Variants in SIGLECL1 observed in about 807,000 individuals in gnomAD.
SIGLECL1 encodes SIGLEC family like 1.
Under a neutral mutation model 19.1 loss-of-function variants are expected in SIGLECL1, and 16 were observed. The observed-to-expected ratio is 0.84, with a 90% CI of 0.57 to 1.27. SIGLECL1 has a LOEUF of 1.27. Among genes scored for constraint, SIGLECL1 ranks in the 50% most tolerant of loss-of-function variants. The probability of loss-of-function intolerance (pLI) is 0.00; values close to 1 mark genes in which losing one functional copy is unlikely to be tolerated. For missense variants in SIGLECL1, 210 were observed against 239.4 expected (o/e 0.88, Z 0.81); for synonymous variants, 89 against 90.4 (o/e 0.98, Z 0.09).
At chr19:51,267,072 AC>A (rs1983735678) in intron 4 of SIGLECL1, among the ~76,000 whole-genome samples, 2 of 152,164 alleles carry the variant, frequency 1.3e-5, no homozygotes, top group Admixed American at 1.3e-4. Flanking sequence ...GTCAGGGCAA[AC>A]TGAGGAGCTA....
upstream of SIGLECL1, among the ~76,000 whole-genome samples, chr19:51,249,546 A>G (rs1210881195): frequency 2.0e-5 from 3 of 152,182 alleles, no homozygotes; most frequent in Admixed American, 2.0e-4. Flanking sequence ...TCTTTGCAGC[A>G]GTGGAAGGGG....
At position 51,269,187 on chromosome 19, in the gene SIGLECL1, A is replaced by C. The variant is rs373790590; in HGVS notation, c.*590A>C. The stretch of plus-strand genomic sequence containing the variant: ...GGCCCTGAATGCCAAGATTCATTGG[A>C]GCTTTGGAGCTTTATCTTGTAGGAC... On this transcript the variant is annotated 3_prime_UTR_variant, in exon 6 of 6. Coordinates refer to ENST00000601727, the MANE Select transcript of SIGLECL1 (RefSeq NM_001385465.1). 6.5e-6 allele frequency: 1 copy of C among 153,030 alleles called. No individual in the cohort carries two copies. Among genetic ancestry groups the C allele is most frequent in the African/African-American group, 2.4e-5 (1 of 41,586 alleles). 9.5% of individuals were successfully genotyped at this position (153,030 alleles called of 1,614,324 possible).
At chr19:51,259,694 A>G (rs1329513387) in intron 1 of SIGLECL1, among the ~76,000 whole-genome samples, 2 of 152,188 alleles carry the variant, frequency 1.3e-5, no homozygotes, top group African/African-American at 2.4e-5. Flanking sequence ...TGTTGGAAAA[A>G]CACTGTAGTA....
At chr19:51,247,538 C>T (rs998696630), upstream of SIGLECL1, among the ~76,000 whole-genome samples, 3 of 152,030 alleles carry the variant, frequency 2.0e-5, no homozygotes, top group Non-Finnish European at 4.4e-5. Context: ...CCTGTCTCAG[C>T]CTCCCAAGTA....
In SIGLECL1 at chr19:51,265,634, A is replaced by C; in HGVS notation, c.289A>C (p.Ile97Leu). ...CCAAAACGGAACCCATGCTTTGAGC[A>C]TCCTACTGATGTCAAGTGAGGGTGG... Reference protein sequence around the residue: ...KNQNGTHALSILLMSRKSSLA... With the variant: ...KNQNGTHALSLLLMSRKSSLA... Residue 97 changes from isoleucine (I) to leucine (L), a missense_variant, in exon 3 of 6, where the codon ATC (isoleucine) becomes CTC (leucine). Physicochemically the swap from Ile to Leu is conservative, Grantham distance 5. Coordinates refer to ENST00000601727, the MANE Select transcript of SIGLECL1 (RefSeq NM_001385465.1). The C allele has an allele frequency of 6.2e-7, 1 of 1,613,798 alleles. No individual in the cohort carries two copies. The highest frequency in any genetic ancestry group is 8.5e-7 in the Non-Finnish European group (1 of 1,179,750).
chr19:51,251,985 A>G (rs920711760), intron 1 of SIGLECL1, among the ~76,000 whole-genome samples: 8 of 152,162 alleles, frequency 5.3e-5, no homozygotes, highest in African/African-American at 1.9e-4. Flanking sequence ...TGGTGAAGGA[A>G]AATTGAGAGA....
intron 2 of SIGLECL1, 196 bp downstream of exon 2, chr19:51,264,290 A>T (rs930777696): frequency 1.7e-6 from 1 of 572,660 alleles, no homozygotes; most frequent in Non-Finnish European, 3.0e-6. Context: ...TGAAGCAAAT[A>T]GCAAATTGGG....
chr19:51,260,503 C>T (rs1291509895), intron 1 of SIGLECL1, among the ~76,000 whole-genome samples: 1 of 151,964 alleles, frequency 6.6e-6, no homozygotes, highest in Non-Finnish European at 1.5e-5. Flanking sequence ...GGATTGTTTA[C>T]CTTTTTAGCT....
chr19:51,258,151 A>G lies in SIGLECL1; in HGVS notation c.-190-5732A>G, dbSNP rs559902785. On this transcript the variant is annotated intron_variant, in intron 1 of 5. Transcript: ENST00000601727. Reference sequence around the variant, plus strand: ...TACTTCTAGTGAATTACCAAACCTAAGGGTAGTTTTGGGGTTCCAAAACCT... The same window carrying G: ...TACTTCTAGTGAATTACCAAACCTAGGGGTAGTTTTGGGGTTCCAAAACCT... Among the ~76,000 whole-genome samples the G allele has an allele frequency of 4.6e-5, 7 of 152,310 alleles. No individual in the cohort carries two copies. The East Asian group carries it at 1.4e-3, about 29-fold the overall frequency.
At chr19:51,264,992 A>T (rs1983530822) in intron 2 of SIGLECL1, among the ~76,000 whole-genome samples, 2 of 152,226 alleles carry the variant, frequency 1.3e-5, no homozygotes, top group South Asian at 4.1e-4. Context: ...CTTGCCCAGC[A>T]GCACCCAGAC....
upstream of SIGLECL1, among the ~76,000 whole-genome samples, chr19:51,247,877 A>C (rs1204098821): frequency 6.6e-6 from 1 of 152,208 alleles, no homozygotes. Context: ...CCTGTTAAGA[A>C]TTCCTTTGTT....
intron 1 of SIGLECL1, among the ~76,000 whole-genome samples, chr19:51,261,789 A>G (rs970158717): frequency 1.3e-5 from 2 of 152,218 alleles, no homozygotes; most frequent in African/African-American, 4.8e-5. Context: ...TACTTGTCCC[A>G]ACCGTTCTAT....
rs777763483 is a variant in SIGLECL1 at position 51,265,565 on chromosome 19, G to A, written c.220G>A (p.Glu74Lys). The A allele has an allele frequency of 6.2e-7, 1 of 1,614,190 alleles. No homozygotes were observed. Among genetic ancestry groups the A allele is most frequent in the South Asian group, 1.1e-5 (1 of 91,084 alleles). ...PWANSTISLT[E>K]EPEMGMRLLC... ...GGCTAACAGCACCATCAGCCTAACT[G>A]AAGAGCCAGAAATGGGCATGAGACT... is the stretch of plus-strand genomic sequence containing the variant. Residue 74 changes from glutamate (E) to lysine (K), a missense_variant, in exon 3 of 6, where the codon GAA (glutamate) becomes AAA (lysine). By Grantham distance (56) the Glu-to-Lys change is moderately conservative. Transcript: ENST00000601727.
upstream of SIGLECL1, among the ~76,000 whole-genome samples, chr19:51,248,350 G>T (rs1982332030): frequency 6.6e-6 from 1 of 152,120 alleles, no homozygotes; most frequent in Admixed American, 6.5e-5. Context: ...CCTCAAATGG[G>T]ACTATAAAAT....
At position 51,261,438 on chromosome 19, in the gene SIGLECL1, G is replaced by A. The variant is rs111274769; in HGVS notation, c.-190-2445G>A. Among the ~76,000 whole-genome samples the A allele has an allele frequency of 1.5e-3, 230 of 152,108 alleles. 3 individuals are homozygous for A. In the East Asian group the frequency reaches 0.017, roughly 11 times the overall value. On this transcript the variant is annotated intron_variant, in intron 1 of 5. Coordinates refer to ENST00000601727, the MANE Select transcript of SIGLECL1 (RefSeq NM_001385465.1). Reference sequence around the variant, plus strand: ...TGAGTAGCTGGGATTACAGGGGCCCGCCACCACACCCAGCTAATTTTTTGT... The same window carrying A: ...TGAGTAGCTGGGATTACAGGGGCCCACCACCACACCCAGCTAATTTTTTGT...
At chr19:51,263,673 G>A (rs147953802) in intron 1 of SIGLECL1, among the ~76,000 whole-genome samples, 222 of 152,214 alleles carry the variant, frequency 1.5e-3, no homozygotes, top group African/African-American at 4.6e-3. Context: ...CAGAAGAGTC[G>A]CTTGAACATG....
At chr19:51,263,779 G>A (rs965200291) in intron 1 of SIGLECL1, 104 bp from the exon 2 acceptor site, 7 of 275,540 alleles carry the variant, frequency 2.5e-5, no homozygotes, top group Admixed American at 5.4e-5. Context: ...ATAAAACAAA[G>A]AATAAAGCAG....
chr19:51,261,541 G>A (rs1448742457), intron 1 of SIGLECL1, among the ~76,000 whole-genome samples: 1 of 152,152 alleles, frequency 6.6e-6, no homozygotes, highest in African/African-American at 2.4e-5. Context: ...GCCCGTCTCG[G>A]CCTCCCAAAG....
intron 4 of SIGLECL1, among the ~76,000 whole-genome samples, chr19:51,266,292 G>A (rs1311980530): frequency 6.6e-6 from 1 of 151,938 alleles, no homozygotes; most frequent in Non-Finnish European, 1.5e-5. Context: ...AGTTCTCGAG[G>A]CACCGACATA....
Sources: gnomAD v4.1 joint callset for allele counts (sites outside exome capture counted in the v4.1 genomes callset) on GRCh38, gnomAD v4.1.1 for gene constraint, MANE v1.5 for transcripts, NCBI Gene and HGNC (gene_info 2026-07-23, HGNC 2026-07-21) for gene names.